The following FAM117A variants were observed in gnomAD, a reference collection of about 807,000 sequenced individuals.
FAM117A encodes the protein protein FAM117A.
FAM117A carries 21 observed loss-of-function variants against 44.1 expected under a neutral mutation model. The ratio of observed to expected loss-of-function variants is 0.48; its 90% CI spans 0.34 to 0.69. The LOEUF (loss-of-function observed/expected upper bound fraction) is 0.69, where lower values mean the gene tolerates loss of function less well. Among genes scored for constraint, FAM117A ranks in the 30% least tolerant of loss-of-function variants. FAM117A has a pLI of 0.01. For synonymous variants in FAM117A, 220 were observed against 238.3 expected (o/e 0.92, Z 0.71); for missense variants, 498 against 589.9 (o/e 0.84, Z 1.61).
chr17:49,788,614 G>A, upstream of FAM117A: 3 of 486,262 alleles, frequency 6.2e-6, no homozygotes. Flanking sequence ...TCTCTGGCCC[G>A]TAACGTCAGG....
intron 1 of FAM117A, among the ~76,000 whole-genome samples, chr17:49,769,630 A>G (rs1305836698): frequency 1.3e-5 from 2 of 150,974 alleles, no homozygotes; most frequent in Non-Finnish European, 3.0e-5. Context: ...GCGTGAACCC[A>G]GGAGGCAGAG....
intron 1 of FAM117A, among the ~76,000 whole-genome samples, chr17:49,782,375 TC>T (rs1368886993): frequency 6.2e-5 from 2 of 32,270 alleles, no homozygotes; most frequent in African/African-American, 1.4e-4. Context: ...AGACTCCGTC[TC>T]AAAAAAAAAA....
At chr17:49,757,679 A>G (rs893968871) in intron 1 of FAM117A, among the ~76,000 whole-genome samples, 3 of 152,210 alleles carry the variant, frequency 2.0e-5, no homozygotes, top group Admixed American at 6.5e-5. Flanking sequence ...GAAATTTCAA[A>G]TATCATCCAC....
At chr17:49,769,753 T>C (rs1481419571) in intron 1 of FAM117A, among the ~76,000 whole-genome samples, 1 of 151,980 alleles carries the variant, frequency 6.6e-6, no homozygotes, top group Non-Finnish European at 1.5e-5. Flanking sequence ...CTCTAGAATA[T>C]TGGACTTAAT....
At chr17:49,731,992 G>A (rs62076765) in intron 2 of FAM117A, among the ~76,000 whole-genome samples, 66 of 152,236 alleles carry the variant, frequency 4.3e-4, no homozygotes, top group Admixed American at 9.2e-4. Context: ...CACCATGTTA[G>A]CCAGGCTGGT....
chr17:49,753,793 C>T (rs1567834559), intron 1 of FAM117A, among the ~76,000 whole-genome samples: 1 of 152,100 alleles, frequency 6.6e-6, no homozygotes, highest in Non-Finnish European at 1.5e-5. Context: ...CAAAAACAAA[C>T]AAACAAACAA....
At chr17:49,769,224 GGCGGAGGCT>G (rs981858155) in intron 1 of FAM117A, among the ~76,000 whole-genome samples, 12 of 152,038 alleles carry the variant, frequency 7.9e-5, no homozygotes, top group African/African-American at 2.7e-4. Flanking sequence ...GAACCCGGGA[GGCGGAGGCT>G]GCAGTAAGCC....
At chr17:49,724,822 GAAAAAAA>G (rs906558600) in intron 2 of FAM117A, among the ~76,000 whole-genome samples, 11 of 43,608 alleles carry the variant, frequency 2.5e-4, no homozygotes, top group Non-Finnish European at 3.3e-4. Context: ...ACAGTCTCAA[GAAAAAAA>G]AAAAAAAAAA....
At chr17:49,723,138 T>C (rs1418706547) in intron 2 of FAM117A, among the ~76,000 whole-genome samples, 1 of 152,146 alleles carries the variant, frequency 6.6e-6, no homozygotes. Flanking sequence ...GGTGCAGTGC[T>C]TCATTTTTCC....
At chr17:49,755,076 C>T (rs964044396) in intron 1 of FAM117A, among the ~76,000 whole-genome samples, 1 of 150,908 alleles carries the variant, frequency 6.6e-6, no homozygotes, top group African/African-American at 2.4e-5. Flanking sequence ...TTTCACTAAG[C>T]CACCAGACAC....
At chr17:49,775,412 T>A (rs1464576890) in intron 1 of FAM117A, among the ~76,000 whole-genome samples, 1 of 152,196 alleles carries the variant, frequency 6.6e-6, no homozygotes, top group Non-Finnish European at 1.5e-5. Context: ...AACACATCTA[T>A]TCCACAAGAC....
intron 5 of FAM117A, 144 bp downstream of exon 5, chr17:49,719,616 T>G: frequency 2.0e-6 from 2 of 1,024,438 alleles, no homozygotes; most frequent in Non-Finnish European, 2.7e-6. Flanking sequence ...TCCATTTGCA[T>G]TCCTTTTGCA....
At chr17:49,768,453 G>A (rs1448454261), upstream of FAM117A, among the ~76,000 whole-genome samples, 3 of 152,106 alleles carry the variant, frequency 2.0e-5, no homozygotes, top group Admixed American at 1.3e-4. Context: ...CCTGGAAGAC[G>A]GTCTCTGAAC....
At chr17:49,774,689 A>G (rs2073771081) in intron 1 of FAM117A, among the ~76,000 whole-genome samples, 1 of 152,178 alleles carries the variant, frequency 6.6e-6, no homozygotes, top group South Asian at 2.1e-4. Flanking sequence ...CAACTAGCAC[A>G]AGCTAGTGCA....
chr17:49,732,759 TGGAG>T, intron 1 of FAM117A, 39 bp from the exon 2 acceptor site: 1 of 1,596,194 alleles, frequency 6.3e-7, no homozygotes, highest in Non-Finnish European at 8.5e-7. Flanking sequence ...GCCATCAGCA[TGGAG>T]GAAGGAGACG....
Position 49,732,806 on chromosome 17 carries a change from C to G in FAM117A, c.197-86G>C. The stretch of plus-strand genomic sequence containing the variant: ...CACCTTCCTCTTCTAAGAGATGTGG[C>G]CTGCCTGCCCCGTCTTCACTCATAT... On this transcript the variant is annotated intron_variant, in intron 1 of 7. Transcript: ENST00000240364. The G allele has an allele frequency of 3.6e-6, 5 of 1,405,494 alleles. No homozygotes were observed. In the East Asian group the frequency reaches 7.5e-5, roughly 21 times the overall value. The allele number at this position is 1,405,494 out of a possible 1,614,324, so 87.1% of individuals were successfully genotyped here.
rs2073695202 is a variant in FAM117A at position 49,755,499 on chromosome 17, TTAACAAAATCA to T, written c.196+8382_196+8392del. ...GCCTAAAGCCAGGCAGTCTGGCTTT[TTAACAAAATCA>T]TAACAAAATCCTACACATTGGCTGT... On this transcript the variant is annotated intron_variant, in intron 1 of 7. Transcript: ENST00000240364. Among the ~76,000 whole-genome samples, 3 of 152,194 alleles carry T rather than the reference TTAACAAAATCA, an allele frequency of 2.0e-5. No homozygotes were observed. In the South Asian group the frequency reaches 6.2e-4, roughly 31 times the overall value.
chr17:49,747,671 G>A (rs943218193), intron 1 of FAM117A, among the ~76,000 whole-genome samples: 2 of 152,020 alleles, frequency 1.3e-5, no homozygotes, highest in African/African-American at 2.4e-5. Context: ...TCTACTTCAT[G>A]CCCCCAGCTT....
chr17:49,761,078 A>G (rs922697747), intron 1 of FAM117A, among the ~76,000 whole-genome samples: 8 of 152,168 alleles, frequency 5.3e-5, no homozygotes, highest in Non-Finnish European at 1.2e-4. Context: ...GGTCTAATAT[A>G]TCTTGTCAAG....
Sources: allele counts gnomAD v4.1 joint callset (sites outside exome capture counted in the v4.1 genomes callset), GRCh38; gene constraint gnomAD v4.1.1; transcripts MANE v1.5; gene names NCBI Gene and HGNC (gene_info 2026-07-23, HGNC 2026-07-21).